Variants in PLEKHA4 observed in about 807,000 individuals in gnomAD.
PLEKHA4 encodes the protein pleckstrin homology domain-containing family A member 4.
A neutral mutation model predicts 94.7 loss-of-function variants in PLEKHA4; 73 were observed. The observed-to-expected ratio is 0.77, with a 90% confidence interval of 0.64 to 0.94. The LOEUF (loss-of-function observed/expected upper bound fraction) is 0.94. Among genes scored for constraint, PLEKHA4 ranks in the 40% least tolerant of loss-of-function variants. The pLI is 0.00. For missense variants in PLEKHA4, 1,049 were observed against 1,054.1 expected (o/e 1.00, Z 0.07); for synonymous variants, 449 against 437.1 (o/e 1.03, Z -0.34).
intron 3 of PLEKHA4, among the ~76,000 whole-genome samples, chr19:48,862,845 T>C (rs936739596): frequency 5.3e-5 from 8 of 152,218 alleles, no homozygotes; most frequent in African/African-American, 1.7e-4. Flanking sequence ...GAACAAGTCA[T>C]TTCCGCCTAG....
chr19:48,854,025 G>T lies in PLEKHA4; in HGVS notation c.1158C>A (p.Asp386Glu). ...CCCGCACCTTCTCCTCCTGCTTCTG[G>T]TCTATCTCCTCCTGCAGCCTCCGCA... Reference protein sequence around the residue: ...RLLRRLQEEIDQKQEEKEQLE... With the variant: ...RLLRRLQEEIEQKQEEKEQLE... Residue 386 changes from aspartate to glutamate, a missense_variant, in exon 11 of 20, where the codon GAC (aspartate) becomes GAA (glutamate). Coordinates refer to ENST00000263265, the MANE Select transcript of PLEKHA4 (RefSeq NM_020904.3). 1 of 1,614,084 alleles carries T rather than the reference G, an allele frequency of 6.2e-7. No individual in the cohort carries two copies. Among genetic ancestry groups the T allele is most frequent in the South Asian group, 1.1e-5 (1 of 91,070 alleles).
chr19:48,853,705 CCCT>C lies in PLEKHA4; in HGVS notation c.1300_1302del (p.Arg434del), dbSNP rs1369623906. 1.3e-6 allele frequency: 2 copies of C among 1,595,776 alleles called. No individual in the cohort carries two copies. The highest frequency in any genetic ancestry group is 4.5e-5 in the East Asian group (2 of 44,336). Reference sequence around the variant, plus strand: ...ACCTGAGTCAAGTGACAGAGGGTGGCCCTCACACTGACCAGCCGGTCCTGCAAG... The same window carrying C: ...ACCTGAGTCAAGTGACAGAGGGTGGCCACACTGACCAGCCGGTCCTGCAAG... On this transcript the variant is annotated inframe_deletion, in exon 12 of 20. Coordinates refer to ENST00000263265, the MANE Select transcript of PLEKHA4 (RefSeq NM_020904.3).
In PLEKHA4 at chr19:48,861,575, G is replaced by A. The variant is rs2292031; in HGVS notation, c.265+45C>T. 691 of 1,611,714 alleles carry A rather than the reference G, an allele frequency of 4.3e-4. 5 individuals are homozygous for A. The East Asian group carries it at 0.015, about 34-fold the overall frequency. On this transcript the variant is annotated intron_variant, in intron 4 of 19. Coordinates refer to ENST00000263265, the MANE Select transcript of PLEKHA4 (RefSeq NM_020904.3). ...AGATGCTAGAGAGAAGGGCAGACTGGGCGGGGGGGCCCTCCCACCCCAAGC... is the reference window on the plus strand; with the variant it reads ...AGATGCTAGAGAGAAGGGCAGACTGAGCGGGGGGGCCCTCCCACCCCAAGC...
Position 48,852,262 on chromosome 19 carries a change from G to A in PLEKHA4, c.1391C>T (p.Thr464Met), listed in dbSNP as rs192010295. 6.2e-5 allele frequency: 100 copies of A among 1,614,044 alleles called. No homozygotes were observed. Among genetic ancestry groups the A allele is most frequent in the African/African-American group, 5.9e-4 (44 of 75,018 alleles). The stretch of plus-strand genomic sequence containing the variant: ...ACCAAGGTGCAGCAGGTACTCCAGC[G>A]TCTCTCTTAAGGTGCCCAGCTCCTG... Reference protein sequence around the residue: ...LEQELGTLRETLEYLLHLGSP... With the variant: ...LEQELGTLREMLEYLLHLGSP... The change falls in exon 13 of 20, where the codon ACG becomes ATG. Residue 464 changes from threonine to methionine, a missense_variant. By Grantham distance (81) the Thr-to-Met change is moderately conservative. Coordinates refer to ENST00000263265, the MANE Select transcript of PLEKHA4 (RefSeq NM_020904.3).
rs757748254 is a variant in PLEKHA4 at position 48,847,979 on chromosome 19, C to A, written c.1487G>T (p.Gly496Val). The change falls in exon 14 of 20, where the codon GGC becomes GTC. Residue 496 changes from glycine to valine, a missense_variant. Transcript: ENST00000263265. ...AGTGTGTGGGGGCGGTTTCTGGGGG[C>A]CACCCAGACCTGCCAGCGTGTCTTC... ...MVEDTLAGLG[G>V]PQKPPPHTEP... 3.1e-6 allele frequency: 5 copies of A among 1,612,924 alleles called. No homozygotes were observed. In the African/African-American group the frequency reaches 5.3e-5, roughly 17 times the overall value.
chr19:48,841,057 G>A, intron 17 of PLEKHA4, 92 bp downstream of exon 17: 1 of 1,257,994 alleles, frequency 7.9e-7, no homozygotes, highest in Non-Finnish European at 1.1e-6. Context: ...GAAGGAGGTA[G>A]TGATTATCTC....
Position 48,839,241 on chromosome 19 carries a change from G to A in PLEKHA4, c.1928C>T (p.Ala643Val). Reference sequence around the variant, plus strand: ...CCCAGAGCTTCTGAGCCATTTCTGGGCTCCCGAGTGTCCTACGACAGGCTG... The same window carrying A: ...CCCAGAGCTTCTGAGCCATTTCTGGACTCCCGAGTGTCCTACGACAGGCTG... ...EQRPVVGHSG[A>V]QKWLRSSGSW... Residue 643 changes from alanine (A) to valine (V), a missense_variant, in exon 18 of 20, where the codon GCC becomes GTC. Transcript: ENST00000263265. 6.3e-7 allele frequency: 1 copy of A among 1,594,260 alleles called. No individual in the cohort carries two copies. Among genetic ancestry groups the A allele is most frequent in the South Asian group, 1.1e-5 (1 of 88,808 alleles).
intron 13 of PLEKHA4, among the ~76,000 whole-genome samples, chr19:48,848,294 G>A (rs1320842085): frequency 2.0e-5 from 3 of 149,714 alleles, no homozygotes; most frequent in South Asian, 2.1e-4. Flanking sequence ...AGACCATCCC[G>A]GCTAAAACGG....
At chr19:48,857,775 T>C (rs567821123) in intron 8 of PLEKHA4, among the ~76,000 whole-genome samples, 1 of 151,226 alleles carries the variant, frequency 6.6e-6, no homozygotes, top group South Asian at 2.1e-4. Flanking sequence ...ACACAAACAC[T>C]GCGGAAGGCC....
chr19:48,851,758 C>A (rs999246193), intron 13 of PLEKHA4, among the ~76,000 whole-genome samples: 1 of 151,784 alleles, frequency 6.6e-6, no homozygotes, highest in African/African-American at 2.4e-5. Flanking sequence ...AGTTCAAGAC[C>A]AGCCTGACCA....
chr19:48,853,809 T>G lies in PLEKHA4; in HGVS notation c.1199A>C (p.Glu400Ala), dbSNP rs1180961245. The change falls in exon 12 of 20, where the codon GAG becomes GCG. Residue 400 changes from glutamate to alanine, a missense_variant. By Grantham distance (107) the Glu-to-Ala change is moderately radical (BLOSUM62 -1). Coordinates refer to ENST00000263265, the MANE Select transcript of PLEKHA4 (RefSeq NM_020904.3). ...EEKEQLEAAL[E>A]LTRQQLGQAT... ...TTGGCCCAGCTGTTGCCGGGTCAAC[T>G]CCAGAGCTGCTTCTAGTTGCTCCTG... 3 of 1,611,256 alleles carry G rather than the reference T, an allele frequency of 1.9e-6. No individual in the cohort carries two copies. The highest frequency in any genetic ancestry group is 2.7e-5 in the African/African-American group (2 of 74,810).
intron 17 of PLEKHA4, among the ~76,000 whole-genome samples, chr19:48,840,773 C>T (rs1339913674): frequency 6.6e-6 from 1 of 152,166 alleles, no homozygotes; most frequent in African/African-American, 2.4e-5. Flanking sequence ...ATCTGAGACA[C>T]TCTGATGTTC....
At chr19:48,858,530 G>A (rs2036508438) in intron 8 of PLEKHA4, among the ~76,000 whole-genome samples, 1 of 150,878 alleles carries the variant, frequency 6.6e-6, no homozygotes, top group South Asian at 2.1e-4. Flanking sequence ...GGGAGGCTGA[G>A]GCAGGAGAAT....
chr19:48,858,836 C>T (rs570214576), intron 8 of PLEKHA4, 24 bp downstream of exon 8: 9 of 1,612,704 alleles, frequency 5.6e-6, no homozygotes, highest in South Asian at 5.5e-5. Context: ...AACGTAGTCC[C>T]CTCCTTCTCA....
chr19:48,857,577 T>A, intron 8 of PLEKHA4, 81 bp from the exon 9 acceptor site: 1 of 788,708 alleles, frequency 1.3e-6, no homozygotes, highest in Non-Finnish European at 2.1e-6. Context: ...CTAAGAAAAA[T>A]TCTTCTGCCT....
rs2036627705 is a variant in PLEKHA4 at position 48,861,265 on chromosome 19, C to CGCTT, written c.366+132_366+135dup. 1.0e-5 allele frequency: 8 copies of CGCTT among 791,484 alleles called. No homozygotes were observed. In the East Asian group the frequency reaches 2.0e-4, roughly 20 times the overall value. 49.0% of individuals were successfully genotyped at this position (791,484 alleles called of 1,614,324 possible). On this transcript the variant is annotated intron_variant, in intron 5 of 19. Transcript: ENST00000263265. ...CAAAACAAAACGAGGATGCAATTGACGCTTGTCAAGACCTTTTATCTCCAG... is the reference window on the plus strand; with the variant it reads ...CAAAACAAAACGAGGATGCAATTGACGCTTGCTTGTCAAGACCTTTTATCTCCAG...
chr19:48,839,430 AATTT>A (rs1252902097), intron 17 of PLEKHA4, among the ~76,000 whole-genome samples, 167 bp from the exon 18 acceptor site: 1 of 152,142 alleles, frequency 6.6e-6, no homozygotes, highest in Non-Finnish European at 1.5e-5. Context: ...TTTAAAAATT[AATTT>A]ATTTTATTTA....
chr19:48,847,145 T>C (rs1024503051), intron 14 of PLEKHA4, among the ~76,000 whole-genome samples: 8 of 152,158 alleles, frequency 5.3e-5, no homozygotes, highest in Non-Finnish European at 1.0e-4. Context: ...ATAATCATAT[T>C]AGGGCTGGGT....
In PLEKHA4 at chr19:48,839,068, C is replaced by T. The variant is rs559885924; in HGVS notation, c.1964+137G>A. The T allele has an allele frequency of 8.5e-6, 4 of 472,594 alleles. No individual in the cohort carries two copies. In the South Asian group the frequency reaches 1.6e-4, roughly 19 times the overall value. The allele number at this position is 472,594 out of a possible 1,614,324, so 29.3% of individuals were successfully genotyped here. A position where few individuals can be genotyped will look rare whatever the true frequency, so the allele number is the denominator to read the frequency against. ...GGGCTTTCTGGTTTTGTTGCAGATG[C>T]CCCGGGAACTTAAGCATCTCTAGAA... On this transcript the variant is annotated intron_variant, in intron 18 of 19. Transcript: ENST00000263265.
Sources: allele counts gnomAD v4.1 joint callset (sites outside exome capture counted in the v4.1 genomes callset), GRCh38; gene constraint gnomAD v4.1.1; transcripts MANE v1.5; gene names NCBI Gene and HGNC (gene_info 2026-07-23, HGNC 2026-07-21).